The following OR51B5 variants were observed in gnomAD, a reference collection of about 807,000 sequenced individuals.
OR51B5 encodes the protein olfactory receptor family 51 subfamily B member 5.
For synonymous variants in OR51B5, 186 were observed against 144.8 expected (o/e 1.28, Z -2.04); for missense variants, 456 against 374.6 (o/e 1.22, Z -1.79).
intron 1 of OR51B5, chr11:5,390,223 T>C (rs777852437): frequency 1.2e-6 from 2 of 1,613,984 alleles, no homozygotes; most frequent in Non-Finnish European, 1.7e-6. Flanking sequence ...TGGTGCACCG[T>C]TTTGGGAAGC....
At chr11:5,348,972 G>T (rs1012394856) in intron 1 of OR51B5, among the ~76,000 whole-genome samples, 2 of 152,066 alleles carry the variant, frequency 1.3e-5, no homozygotes, top group African/African-American at 4.8e-5. Flanking sequence ...GAAGGTGAGA[G>T]AATATATGAA....
At chr11:5,400,806 G>T (rs1250989861) in intron 1 of OR51B5, among the ~76,000 whole-genome samples, 2 of 152,200 alleles carry the variant, frequency 1.3e-5, no homozygotes, top group East Asian at 3.8e-4. Context: ...ATAGAGGTGT[G>T]CTCACTGGTT....
intron 1 of OR51B5, among the ~76,000 whole-genome samples, chr11:5,472,614 C>T (rs1038292811): frequency 1.3e-5 from 2 of 152,192 alleles, no homozygotes; most frequent in Non-Finnish European, 2.9e-5. Context: ...TGAAGGACTC[C>T]TCTGTGCTCT....
intron 1 of OR51B5, among the ~76,000 whole-genome samples, chr11:5,418,846 C>A (rs1217944061): frequency 2.8e-5 from 4 of 142,632 alleles, no homozygotes; most frequent in African/African-American, 1.0e-4. Context: ...GCTGCACATT[C>A]TGCACATGTA....
At chr11:5,392,391 A>T (rs1849808893) in intron 1 of OR51B5, 1 of 152,234 alleles carries the variant, frequency 6.6e-6, no homozygotes. Flanking sequence ...TATAGATCTC[A>T]TTTGGTAGAA....
intron 1 of OR51B5, among the ~76,000 whole-genome samples, chr11:5,501,645 C>T (rs1054550614): frequency 6.7e-6 from 1 of 148,164 alleles, no homozygotes; most frequent in Admixed American, 7.0e-5. Flanking sequence ...GACTTTATAA[C>T]AAGATTGTCC....
At chr11:5,370,194 T>TATTA (rs1373427875) in intron 1 of OR51B5, among the ~76,000 whole-genome samples, 3 of 152,216 alleles carry the variant, frequency 2.0e-5, no homozygotes. Flanking sequence ...TCAATGTATT[T>TATTA]ATTATTATCA....
intron 1 of OR51B5, among the ~76,000 whole-genome samples, chr11:5,463,068 T>C (rs1006483300): frequency 1.3e-5 from 2 of 152,176 alleles, no homozygotes; most frequent in Non-Finnish European, 2.9e-5. Context: ...TAGGGGTAGG[T>C]GGGTGTGGTT....
At position 5,505,318 on chromosome 11, in the gene OR51B5, T is replaced by G. The variant is rs146415902; in HGVS notation, n.84+251A>C. ...GGAAATTTGGGGTTCAATGTATATC[T>G]TCCCCAGTCAGAGGCAGACCCAGAG... is the stretch of plus-strand genomic sequence containing the variant. On this transcript the variant is annotated intron_variant and non_coding_transcript_variant, in intron 1 of 4. Transcript: ENST00000415970. The G allele has an allele frequency of 1.4e-5, 18 of 1,303,036 alleles. No individual in the cohort carries two copies. The East Asian group carries it at 9.4e-4, about 68-fold the overall frequency. The allele number at this position is 1,303,036 out of a possible 1,614,324, so 80.7% of individuals were successfully genotyped here. A position where few individuals can be genotyped will look rare whatever the true frequency, so the allele number is the denominator to read the frequency against.
chr11:5,422,040 C>G, intron 1 of OR51B5: 1 of 612,630 alleles, frequency 1.6e-6, no homozygotes. Context: ...GAAAGGATAT[C>G]ATATATCACA....
At chr11:5,352,108 T>C in intron 1 of OR51B5, 1 of 1,614,186 alleles carries the variant, frequency 6.2e-7, no homozygotes, top group African/African-American at 1.3e-5. Flanking sequence ...AGTTGTAGTT[T>C]TATTTGCAAT....
At position 5,366,466 on chromosome 11, in the gene OR51B5, G is replaced by A. The variant is rs539938736; in HGVS notation, n.85-19556C>T. On this transcript the variant is annotated intron_variant and non_coding_transcript_variant, in intron 1 of 4. Coordinates refer to the OR51B5 transcript ENST00000415970. ...TAATAAAAATACAAAAAAATTAGCA[G>A]GGCCTGGTGGCAGATGCCTGTAATT... Among the ~76,000 whole-genome samples the A allele has an allele frequency of 4.4e-3, 670 of 152,178 alleles. 3 individuals carry two copies. Among genetic ancestry groups the A allele is most frequent in the African/African-American group, 0.015 (634 of 41,516 alleles).
intron 1 of OR51B5, chr11:5,455,565 GAGAGAGAGAGAGAA>G (rs1850940435): frequency 9.0e-5 from 1 of 11,106 alleles, no homozygotes; most frequent in South Asian, 3.1e-3. Flanking sequence ...AAGAAGGGGG[GAGAGAGAGAGAGAA>G]AGAGAAAGAG....
At chr11:5,369,445 CTT>C (rs1216314674) in intron 1 of OR51B5, among the ~76,000 whole-genome samples, 1 of 151,936 alleles carries the variant, frequency 6.6e-6, no homozygotes, top group Non-Finnish European at 1.5e-5. Flanking sequence ...ATGAAACAGA[CTT>C]TTTATATATT....
intron 1 of OR51B5, among the ~76,000 whole-genome samples, chr11:5,412,271 T>C (rs1196381445): frequency 2.6e-5 from 4 of 152,130 alleles, no homozygotes; most frequent in East Asian, 1.9e-4. Flanking sequence ...CCAGGAAGCA[T>C]TAACAGTGAA....
intron 1 of OR51B5, among the ~76,000 whole-genome samples, chr11:5,490,829 G>C (rs1851570389): frequency 6.6e-6 from 1 of 152,188 alleles, no homozygotes; most frequent in African/African-American, 2.4e-5. Flanking sequence ...CTCAGCATTA[G>C]TGAAGTGTTT....
At chr11:5,423,832 T>A (rs182364135) in intron 1 of OR51B5, among the ~76,000 whole-genome samples, 65 of 152,300 alleles carry the variant, frequency 4.3e-4, no homozygotes, top group Non-Finnish European at 4.0e-4. Context: ...TTTTCACAGT[T>A]CCTACCTTGC....
chr11:5,493,909 A>G (rs1851612853), intron 1 of OR51B5, among the ~76,000 whole-genome samples: 1 of 152,214 alleles, frequency 6.6e-6, no homozygotes, highest in Admixed American at 6.5e-5. Context: ...CTTGTTTATC[A>G]TATATTCATA....
downstream of OR51B5, among the ~76,000 whole-genome samples, chr11:5,342,060 T>G (rs1469314548): frequency 6.6e-6 from 1 of 152,026 alleles, no homozygotes; most frequent in Admixed American, 6.6e-5. Context: ...AGTAATTAGG[T>G]CACTGATCAA....
Sources: gnomAD v4.1 joint callset for allele counts (sites outside exome capture counted in the v4.1 genomes callset) on GRCh38, gnomAD v4.1.1 for gene constraint, MANE v1.5 for transcripts, NCBI Gene and HGNC (gene_info 2026-07-23, HGNC 2026-07-21) for gene names.